Variants in UCKL1 observed in about 807,000 individuals in gnomAD.
UCKL1 encodes the protein uridine-cytidine kinase 1 like 1, also known as uridine-cytidine kinase-like 1.
UCKL1 carries 65 observed loss-of-function variants against 59.2 expected under a neutral mutation model. The ratio of observed to expected loss-of-function variants is 1.10; its 90% CI spans 0.90 to 1.35. The LOEUF is 1.35. Among genes scored for constraint, UCKL1 ranks in the 40% most tolerant of loss-of-function variants. The pLI is 0.00. For missense variants in UCKL1, 703 were observed against 784.3 expected (o/e 0.90, Z 1.24); for synonymous variants, 410 against 323.1 (o/e 1.27, Z -2.88).
intron 1 of UCKL1, among the ~76,000 whole-genome samples, chr20:63,949,438 C>T (rs1298090975): frequency 2.6e-5 from 4 of 152,148 alleles, no homozygotes; most frequent in Non-Finnish European, 5.9e-5. Flanking sequence ...AGAAGGAAGA[C>T]GGGACCCAGC....
chr20:63,940,752 C>G, intron 11 of UCKL1, 36 bp from the exon 12 acceptor site: 3 of 1,605,818 alleles, frequency 1.9e-6, no homozygotes, highest in Non-Finnish European at 2.5e-6. Flanking sequence ...CACATCCCGC[C>G]CCAGCAGCCT....
intron 1 of UCKL1, chr20:63,950,718 G>T: frequency 6.8e-7 from 1 of 1,479,778 alleles, no homozygotes; most frequent in Non-Finnish European, 9.0e-7. Context: ...CACAGCACAA[G>T]TGGGTGCCCC....
At chr20:63,949,521 G>A (rs1225218876) in intron 1 of UCKL1, among the ~76,000 whole-genome samples, 1 of 152,190 alleles carries the variant, frequency 6.6e-6, no homozygotes, top group African/African-American at 2.4e-5. Flanking sequence ...AAAAGGGCCT[G>A]CAAGGGTCAC....
intron 1 of UCKL1, 31 bp from the exon 2 acceptor site, chr20:63,946,674 C>A (rs746998590): frequency 5.0e-6 from 8 of 1,591,898 alleles, no homozygotes; most frequent in East Asian, 2.2e-5. Flanking sequence ...GGATGTGGCC[C>A]AGAGCTGCCC....
chr20:63,948,577 G>GGCGTGTGTGAGGGAGGA (rs1569120920), intron 1 of UCKL1: 1 of 80,564 alleles, frequency 1.2e-5, no homozygotes. Flanking sequence ...GAGAGGGAGG[G>GGCGTGTGTGAGGGAGGA]GATGTGTGTG....
chr20:63,945,788 G>A lies in UCKL1; in HGVS notation c.582+17C>T, dbSNP rs773437698. The A allele has an allele frequency of 6.2e-7, 1 of 1,613,272 alleles. No individual in the cohort carries two copies. The highest frequency in any genetic ancestry group is 8.5e-7 in the Non-Finnish European group (1 of 1,179,816). On this transcript the variant is annotated intron_variant, in intron 4 of 14. Transcript: ENST00000354216. ...CCTGCAGCCCCCCGAGGCCCCCTCT[G>A]CAGGGCCCTGGCCTACCCAGTCCTT... is the stretch of plus-strand genomic sequence containing the variant.
At position 63,941,474 on chromosome 20, in the gene UCKL1, C is replaced by T. The variant is rs1187348603; in HGVS notation, c.924-266G>A. 2.1e-5 allele frequency: 11 copies of T among 517,902 alleles called. No individual in the cohort carries two copies. The Middle Eastern group carries it at 3.2e-3, about 150-fold the overall frequency. The allele number at this position is 517,902 out of a possible 1,614,324, so 32.1% of individuals were successfully genotyped here. Reference sequence around the variant, plus strand: ...GCTAGCGGGGTAGGCTGTGAGGGCCCCTCCCAGTGCGGGACCCCTCCTGCG... The same window carrying T: ...GCTAGCGGGGTAGGCTGTGAGGGCCTCTCCCAGTGCGGGACCCCTCCTGCG... On this transcript the variant is annotated intron_variant, in intron 8 of 14. Transcript: ENST00000354216.
Position 63,946,287 on chromosome 20 carries a change from C to T in UCKL1, c.305-20G>A, listed in dbSNP as rs781409674. Reference sequence around the variant, plus strand: ...CCAAGCCTGCCGGCGGGAGTGGAGACCCTCTGTGAGGAACAGGCAGGCTGC... The same window carrying T: ...CCAAGCCTGCCGGCGGGAGTGGAGATCCTCTGTGAGGAACAGGCAGGCTGC... On this transcript the variant is annotated intron_variant, in intron 2 of 14. Transcript: ENST00000354216. 7 of 1,569,874 alleles carry T rather than the reference C, an allele frequency of 4.5e-6. No homozygotes were observed. Among genetic ancestry groups the T allele is most frequent in the Admixed American group, 1.9e-5 (1 of 53,206 alleles).
intron 1 of UCKL1, among the ~76,000 whole-genome samples, chr20:63,952,957 T>C (rs1056870636): frequency 2.0e-5 from 3 of 152,216 alleles, no homozygotes; most frequent in South Asian, 2.1e-4. Flanking sequence ...CGTCAAGAAA[T>C]AGGCACAGGT....
At chr20:63,952,965 G>A (rs866210144) in intron 1 of UCKL1, among the ~76,000 whole-genome samples, 5 of 152,266 alleles carry the variant, frequency 3.3e-5, no homozygotes, top group Admixed American at 6.5e-5. Context: ...AATAGGCACA[G>A]GTGGCCGGGC....
chr20:63,945,141 G>A, intron 5 of UCKL1, among the ~76,000 whole-genome samples: 1 of 152,192 alleles, frequency 6.6e-6, no homozygotes, highest in Non-Finnish European at 1.5e-5. Context: ...CGAGTTTAGG[G>A]TCTGTCCCCA....
intron 1 of UCKL1, among the ~76,000 whole-genome samples, chr20:63,947,429 C>T (rs569183503): frequency 2.5e-4 from 38 of 152,308 alleles, no homozygotes; most frequent in Non-Finnish European, 3.4e-4. Context: ...GACGTGAGGG[C>T]GGCGTGTGGG....
intron 1 of UCKL1, among the ~76,000 whole-genome samples, chr20:63,952,821 C>G (rs1405634183): frequency 6.6e-6 from 1 of 152,260 alleles, no homozygotes; most frequent in Non-Finnish European, 1.5e-5. Context: ...TCAGTCCCCT[C>G]CACGGAGCCA....
rs545923388 is a variant in UCKL1 at position 63,946,434 on chromosome 20, AC to A, written c.304+18del. ...AGGCAGGCGTCCGGCAGCAGGTCCC[AC>A]CCCCCCGCTGCTCTCACCGATGGCG... is the stretch of plus-strand genomic sequence containing the variant. On this transcript the variant is annotated intron_variant, in intron 2 of 14. Coordinates refer to ENST00000354216, the MANE Select transcript of UCKL1 (RefSeq NM_017859.4). 2.9e-5 allele frequency: 44 copies of A among 1,526,064 alleles called. No individual in the cohort carries two copies. The highest frequency in any genetic ancestry group is 9.7e-5 in the African/African-American group (7 of 72,522). The allele number at this position is 1,526,064 out of a possible 1,614,324, so 94.5% of individuals were successfully genotyped here. A position where few individuals can be genotyped will look rare whatever the true frequency, so the allele number is the denominator to read the frequency against.
chr20:63,950,754 C>G (rs893470849), intron 1 of UCKL1: 8 of 1,531,090 alleles, frequency 5.2e-6, no homozygotes, highest in Non-Finnish European at 7.0e-6. Flanking sequence ...CCAGTCGAGA[C>G]TCACCTGCCT....
chr20:63,950,788 T>C, intron 1 of UCKL1: 1 of 1,539,260 alleles, frequency 6.5e-7, no homozygotes, highest in East Asian at 2.5e-5. Flanking sequence ...CCCGGCACCC[T>C]GAGATCCTGA....
At chr20:63,941,904 C>T (rs891317928) in intron 8 of UCKL1, among the ~76,000 whole-genome samples, 4 of 137,180 alleles carry the variant, frequency 2.9e-5, no homozygotes, top group African/African-American at 1.1e-4. Flanking sequence ...AAGAGGAAAG[C>T]GACAGGCCAC....
rs140413290 is a variant in UCKL1 at position 63,945,818 on chromosome 20, C to T, written c.569G>A (p.Arg190Gln). ...GCCCTGGCCTACCCAGTCCTTCTTC[C>T]GGCTGTGCGTGGTGAAGTCATAAAT... ...VPIYDFTTHS[R>Q]KKDWKTLYGA... The change falls in exon 4 of 15, where the codon CGG becomes CAG. Residue 190 changes from arginine to glutamine, a missense_variant. Physicochemically the swap from Arg to Gln is conservative, Grantham distance 43. Around this residue, in one of 4 missense-constraint regions of UCKL1, gnomAD observed 398 missense variants for 373.0 expected, o/e 1.07. Transcript: ENST00000354216. 8.9e-5 allele frequency: 143 copies of T among 1,613,568 alleles called. No homozygotes were observed. The highest frequency in any genetic ancestry group is 3.3e-4 in the Middle Eastern group (2 of 6,062).
chr20:63,946,280 G>A lies in UCKL1; in HGVS notation c.305-13C>T. Reference sequence around the variant, plus strand: ...CCGCCTCCCAAGCCTGCCGGCGGGAGTGGAGACCCTCTGTGAGGAACAGGC... The same window carrying A: ...CCGCCTCCCAAGCCTGCCGGCGGGAATGGAGACCCTCTGTGAGGAACAGGC... On this transcript the variant is annotated splice_polypyrimidine_tract_variant and intron_variant, in intron 2 of 14. Transcript: ENST00000354216. 6.3e-7 allele frequency: 1 copy of A among 1,575,640 alleles called. No homozygotes were observed. Among genetic ancestry groups the A allele is most frequent in the Non-Finnish European group, 8.6e-7 (1 of 1,161,508 alleles).
Sources: allele counts gnomAD v4.1 joint callset (sites outside exome capture counted in the v4.1 genomes callset), GRCh38; gene constraint gnomAD v4.1.1; regional missense constraint gnomAD v4.1.1; transcripts MANE v1.5; gene names NCBI Gene and HGNC (gene_info 2026-07-23, HGNC 2026-07-21).